Variants in GLT1D1 observed in about 807,000 individuals in gnomAD.
The protein encoded by GLT1D1 is glycosyltransferase 1 domain-containing protein 1.
In GLT1D1, 21 loss-of-function variants were observed where a neutral mutation model predicts 28.7. The ratio of observed to expected loss-of-function variants is 0.73; its 90% CI spans 0.52 to 1.05. GLT1D1 has a LOEUF of 1.05. GLT1D1 is among the 50% of genes least tolerant of loss of function. GLT1D1 has a pLI of 0.00. For missense variants in GLT1D1, 343 were observed against 330.6 expected (o/e 1.04, Z -0.29); for synonymous variants, 147 against 124.8 (o/e 1.18, Z -1.19).
chr12:128,879,372 TTTTC>T (rs1414670990), intron 2 of GLT1D1, among the ~76,000 whole-genome samples: 1 of 141,292 alleles, frequency 7.1e-6, no homozygotes, highest in Non-Finnish European at 1.5e-5. Flanking sequence ...CTTATTATTT[TTTTC>T]TTTTTCTTTC....
intron 4 of GLT1D1, among the ~76,000 whole-genome samples, chr12:128,901,290 T>A (rs961126766): frequency 1.3e-5 from 2 of 149,650 alleles, no homozygotes; most frequent in Middle Eastern, 3.5e-3. Context: ...CATGTTGTTA[T>A]TTTTTTTTTA....
intron 3 of GLT1D1, among the ~76,000 whole-genome samples, chr12:128,897,393 C>A (rs190924712): frequency 3.2e-4 from 48 of 152,156 alleles, no homozygotes; most frequent in African/African-American, 1.1e-3. Context: ...ATAATCAAAG[C>A]TTTTTTATCT....
At chr12:128,917,848 A>G (rs1210462613) in intron 4 of GLT1D1, among the ~76,000 whole-genome samples, 1 of 152,226 alleles carries the variant, frequency 6.6e-6, no homozygotes, top group Non-Finnish European at 1.5e-5. Flanking sequence ...TTGTGGAGAA[A>G]TAAGAACGCT....
chr12:128,878,339 C>T (rs117538604), intron 2 of GLT1D1, among the ~76,000 whole-genome samples: 326 of 152,336 alleles, frequency 2.1e-3, no homozygotes, highest in Non-Finnish European at 3.4e-3. Context: ...AGATCTGTCT[C>T]ATCCATTGTG....
At chr12:128,859,405 G>A (rs1038020891) in intron 1 of GLT1D1, among the ~76,000 whole-genome samples, 1 of 152,200 alleles carries the variant, frequency 6.6e-6, no homozygotes, top group Non-Finnish European at 1.5e-5. Context: ...GGGCACAGAG[G>A]ATGTGCCGAG....
chr12:128,885,233 T>C (rs1317914059), intron 2 of GLT1D1, among the ~76,000 whole-genome samples: 2 of 152,060 alleles, frequency 1.3e-5, no homozygotes, highest in Non-Finnish European at 2.9e-5. Flanking sequence ...ATAAGTCTTA[T>C]TTTTTTGAGA....
intron 4 of GLT1D1, among the ~76,000 whole-genome samples, chr12:128,920,574 A>G (rs1480276957): frequency 6.6e-6 from 1 of 152,176 alleles, no homozygotes; most frequent in Non-Finnish European, 1.5e-5. Flanking sequence ...AAAGAAAGAA[A>G]AAAGAAAATA....
At chr12:128,939,055 G>T (rs1461917589) in intron 4 of GLT1D1, among the ~76,000 whole-genome samples, 1 of 152,092 alleles carries the variant, frequency 6.6e-6, no homozygotes, top group African/African-American at 2.4e-5. Context: ...AGGCCAGGTT[G>T]TTGCACAAGA....
rs1306659954 is a variant in GLT1D1 at position 128,939,919 on chromosome 12, G to T, written c.376-5407G>T. The stretch of plus-strand genomic sequence containing the variant: ...GATTACAATTTAACAGGAGATTTGG[G>T]TGGGGACACAGATCCAAACCATATC... On this transcript the variant is annotated intron_variant, in intron 4 of 7. Transcript: ENST00000281703. Among the ~76,000 whole-genome samples the T allele has an allele frequency of 5.3e-5, 8 of 150,484 alleles. No homozygotes were observed. The Admixed American group carries it at 5.3e-4, about 10-fold the overall frequency.
At chr12:128,967,131 T>C (rs11060048) in intron 7 of GLT1D1, among the ~76,000 whole-genome samples, 53,451 of 152,142 alleles carry the variant, frequency 0.35, 10,284 homozygotes, top group Admixed American at 0.51. Context: ...GTTCTGTTTG[T>C]ATGGTGCACA....
At chr12:128,926,451 T>G (rs931512193) in intron 4 of GLT1D1, 1 of 1,503,052 alleles carries the variant, frequency 6.7e-7, no homozygotes, top group African/African-American at 1.4e-5. Context: ...GGACGCATTT[T>G]CAGGTGTGTT....
chr12:128,888,051 G>A (rs556848934), intron 2 of GLT1D1, among the ~76,000 whole-genome samples: 12 of 152,308 alleles, frequency 7.9e-5, no homozygotes, highest in South Asian at 2.1e-4. Flanking sequence ...CGCGTCACTC[G>A]GAATATACAT....
At chr12:128,881,994 T>C (rs1358564048) in intron 2 of GLT1D1, among the ~76,000 whole-genome samples, 4 of 152,102 alleles carry the variant, frequency 2.6e-5, no homozygotes, top group African/African-American at 9.7e-5. Context: ...TTTAGGATTT[T>C]CCAGAAATAA....
At chr12:128,909,204 C>T (rs1242410473) in intron 4 of GLT1D1, among the ~76,000 whole-genome samples, 2 of 151,068 alleles carry the variant, frequency 1.3e-5, no homozygotes, top group Admixed American at 6.6e-5. Flanking sequence ...GATTAAAGTA[C>T]TTCCTAGTAA....
chr12:128,944,948 G>GC (rs1593170351), intron 4 of GLT1D1: 4 of 538,316 alleles, frequency 7.4e-6, no homozygotes, highest in Middle Eastern at 5.0e-4. Flanking sequence ...CCCTCCTCCA[G>GC]CCCCCGACCC....
At chr12:128,943,151 G>A (rs1185076865) in intron 4 of GLT1D1, among the ~76,000 whole-genome samples, 1 of 152,190 alleles carries the variant, frequency 6.6e-6, no homozygotes, top group Non-Finnish European at 1.5e-5. Context: ...CTTGGATCAG[G>A]AACAAAGAAC....
chr12:128,981,690 T>C (rs1277857174), intron 7 of GLT1D1, among the ~76,000 whole-genome samples: 1 of 152,206 alleles, frequency 6.6e-6, no homozygotes, highest in Non-Finnish European at 1.5e-5. Context: ...ATTGCTGCCT[T>C]CTTGGAATTT....
rs894521912 is a variant in GLT1D1 at position 128,908,724 on chromosome 12, C to T, written c.375+9437C>T. 6.6e-5 allele frequency among the ~76,000 whole-genome samples: 10 copies of T among 151,878 alleles called. No individual in the cohort carries two copies. The South Asian group carries it at 1.2e-3, about 19-fold the overall frequency. On this transcript the variant is annotated intron_variant, in intron 4 of 7. Coordinates refer to ENST00000281703, the MANE Select transcript of GLT1D1 (RefSeq NM_144669.3). ...CAGCACTTTGGGAGGCCGAGGAGGG[C>T]GGATCACGAGGTCAGGAGATCGAGA...
At chr12:128,929,779 G>A (rs1873670948) in intron 4 of GLT1D1, among the ~76,000 whole-genome samples, 1 of 152,096 alleles carries the variant, frequency 6.6e-6, no homozygotes, top group South Asian at 2.1e-4. Context: ...TGGCCAACAA[G>A]GTGAAACCCC....
Sources: allele counts gnomAD v4.1 joint callset (sites outside exome capture counted in the v4.1 genomes callset), GRCh38; gene constraint gnomAD v4.1.1; transcripts MANE v1.5; gene names NCBI Gene and HGNC (gene_info 2026-07-23, HGNC 2026-07-21).